FHIP1A: variants seen among roughly 807,000 people sequenced by gnomAD.
FHIP1A encodes the protein FHF complex subunit HOOK interacting protein 1A.
FHIP1A carries 61 observed loss-of-function variants against 88.6 expected under a neutral mutation model. The observed-to-expected ratio is 0.69, with a 90% CI of 0.56 to 0.85. The LOEUF (loss-of-function observed/expected upper bound fraction) is 0.85, where lower values mean the gene tolerates loss of function less well. FHIP1A is among the 40% of genes least tolerant of loss of function. The pLI is 0.00. For missense variants in FHIP1A, 1,154 were observed against 1,273.5 expected (o/e 0.91, Z 1.43); for synonymous variants, 478 against 496.0 (o/e 0.96, Z 0.48).
intron 3 of FHIP1A, among the ~76,000 whole-genome samples, chr4:151,544,573 G>T (rs1050567912): frequency 1.3e-5 from 2 of 152,122 alleles, no homozygotes; most frequent in Non-Finnish European, 2.9e-5. Flanking sequence ...CTGAAATATG[G>T]CCTGTCCCTC....
chr4:151,593,237 G>C (rs1178322334), intron 7 of FHIP1A, among the ~76,000 whole-genome samples: 5 of 152,130 alleles, frequency 3.3e-5, no homozygotes, highest in African/African-American at 4.8e-5. Context: ...GATTGTCTTG[G>C]CTAAACAAGC....
chr4:151,597,754 T>C (rs1443326651), intron 7 of FHIP1A, among the ~76,000 whole-genome samples: 1 of 152,186 alleles, frequency 6.6e-6, no homozygotes, highest in Non-Finnish European at 1.5e-5. Context: ...AGAGAGACAG[T>C]CTGGCTACAG....
rs545503967 is a variant in FHIP1A at position 151,649,597 on chromosome 4, G to A, written c.1556G>A (p.Arg519His). 113 of 1,551,716 alleles carry A rather than the reference G, an allele frequency of 7.3e-5. 5 individuals carry two copies. In the East Asian group the frequency reaches 1.0e-3, roughly 14 times the overall value. Residue 519 changes from arginine to histidine, a missense_variant, in exon 11 of 14, where the codon CGT (arginine) becomes CAT (histidine). Physicochemically the swap from Arg to His is conservative, Grantham distance 29. Coordinates refer to ENST00000435205, the MANE Select transcript of FHIP1A (RefSeq NM_001109977.3). Reference sequence around the variant, plus strand: ...ATCCTCCGCTGCATGAGGGACTGCCGTGTCTGGTCCGCCCTGTATGATGGC... The same window carrying A: ...ATCCTCCGCTGCATGAGGGACTGCCATGTCTGGTCCGCCCTGTATGATGGC... ...TNILRCMRDC[R>H]VWSALYDGDS...
intron 7 of FHIP1A, among the ~76,000 whole-genome samples, chr4:151,617,760 C>G (rs1433493249): frequency 6.6e-6 from 1 of 152,090 alleles, no homozygotes; most frequent in Non-Finnish European, 1.5e-5. Context: ...GTGGCGTGTG[C>G]CTGTAATCCC....
chr4:151,590,574 G>T (rs964371090), intron 7 of FHIP1A, among the ~76,000 whole-genome samples: 1 of 152,132 alleles, frequency 6.6e-6, no homozygotes, highest in Admixed American at 6.5e-5. Flanking sequence ...TTCAGTTATG[G>T]CATATTATCA....
At chr4:151,503,026 A>T (rs996760698) in intron 3 of FHIP1A, among the ~76,000 whole-genome samples, 2 of 152,218 alleles carry the variant, frequency 1.3e-5, no homozygotes, top group African/African-American at 4.8e-5. Flanking sequence ...TTTGTCTTTG[A>T]GGAAACAAAT....
chr4:151,524,084 G>A (rs1731544293), intron 3 of FHIP1A, among the ~76,000 whole-genome samples: 1 of 152,120 alleles, frequency 6.6e-6, no homozygotes, highest in South Asian at 2.1e-4. Flanking sequence ...GACCGAGGCG[G>A]GCAGATCATG....
chr4:151,481,610 A>T (rs893696009), intron 2 of FHIP1A, among the ~76,000 whole-genome samples: 4 of 152,112 alleles, frequency 2.6e-5, no homozygotes, highest in Non-Finnish European at 5.9e-5. Context: ...AAGAAAGTAA[A>T]GGAATAAAAG....
At chr4:151,540,804 A>G (rs992630512) in intron 3 of FHIP1A, among the ~76,000 whole-genome samples, 12 of 152,196 alleles carry the variant, frequency 7.9e-5, no homozygotes, top group Admixed American at 1.3e-4. Flanking sequence ...TGCTTAGGTT[A>G]TTCCCAGACT....
intron 2 of FHIP1A, among the ~76,000 whole-genome samples, chr4:151,465,535 C>A (rs1729279871): frequency 6.6e-6 from 1 of 152,216 alleles, no homozygotes; most frequent in Admixed American, 6.5e-5. Context: ...AGGCCAGCGT[C>A]ATCCTGATAC....
chr4:151,515,009 A>T (rs1344379624), intron 3 of FHIP1A, among the ~76,000 whole-genome samples: 1 of 152,066 alleles, frequency 6.6e-6, no homozygotes, highest in Admixed American at 6.5e-5. Context: ...CAAAAAAGAG[A>T]ATTTTAGACC....
chr4:151,481,550 A>G (rs1399188767), intron 2 of FHIP1A, among the ~76,000 whole-genome samples: 1 of 151,992 alleles, frequency 6.6e-6, no homozygotes, highest in Non-Finnish European at 1.5e-5. Context: ...GCACCTACGC[A>G]AGAAAAAATT....
rs1560834337 is a variant in FHIP1A, at chr4:151,668,032, A to G, written c.*5278A>G. Among the ~76,000 whole-genome samples the G allele has an allele frequency of 1.3e-5, 2 of 152,152 alleles. No individual in the cohort carries two copies. Among genetic ancestry groups the G allele is most frequent in the African/African-American group, 4.8e-5 (2 of 41,450 alleles). ...AACAAGGCCCCTTTTTGCCCTGTGG[A>G]TATTTTAAAAGAGGGAATTTGGTGT... On this transcript the variant is annotated 3_prime_UTR_variant, in exon 14 of 14. Transcript: ENST00000435205.
rs998662875 is a variant in FHIP1A at position 151,657,013 on chromosome 4, A to T, written c.2869+115A>T. The T allele has an allele frequency of 2.3e-5, 25 of 1,105,546 alleles. No individual in the cohort carries two copies. In the Middle Eastern group the frequency reaches 1.5e-3, roughly 67 times the overall value. 68.5% of individuals were successfully genotyped at this position (1,105,546 alleles called of 1,614,324 possible). A position where few individuals can be genotyped will look rare whatever the true frequency, so the allele number is the denominator to read the frequency against. ...TTCTGGATCCTAGAAGCATTCAGAG[A>T]TATTTTCATTTTTATGCAACAGGGA... On this transcript the variant is annotated intron_variant, in intron 13 of 13. Coordinates refer to ENST00000435205, the MANE Select transcript of FHIP1A (RefSeq NM_001109977.3).
chr4:151,541,578 A>G (rs938036117), intron 3 of FHIP1A, among the ~76,000 whole-genome samples: 1 of 152,198 alleles, frequency 6.6e-6, no homozygotes, highest in African/African-American at 2.4e-5. Context: ...CTTTTATGCA[A>G]CACTGCTTTG....
At chr4:151,520,130 G>A (rs1429282086) in intron 3 of FHIP1A, among the ~76,000 whole-genome samples, 1 of 151,978 alleles carries the variant, frequency 6.6e-6, no homozygotes, top group Non-Finnish European at 1.5e-5. Flanking sequence ...GCTTTCTGTG[G>A]CCTGTTGCCA....
intron 11 of FHIP1A, among the ~76,000 whole-genome samples, chr4:151,651,719 A>T (rs903791156): frequency 6.6e-6 from 1 of 152,214 alleles, no homozygotes; most frequent in Non-Finnish European, 1.5e-5. Flanking sequence ...TGGTCCAGCC[A>T]GCCAAGTAGG....
intron 2 of FHIP1A, among the ~76,000 whole-genome samples, chr4:151,472,047 T>C (rs781062738): frequency 6.6e-6 from 1 of 152,176 alleles, no homozygotes; most frequent in Non-Finnish European, 1.5e-5. Flanking sequence ...TCCACATTTT[T>C]GCAACTGCGA....
intron 1 of FHIP1A, among the ~76,000 whole-genome samples, chr4:151,441,935 A>T (rs1473022957): frequency 6.6e-6 from 1 of 152,194 alleles, no homozygotes; most frequent in Non-Finnish European, 1.5e-5. Context: ...CCAAATCTTG[A>T]ACGATTTGTT....
Sources: gnomAD v4.1 joint callset for allele counts (sites outside exome capture counted in the v4.1 genomes callset) on GRCh38, gnomAD v4.1.1 for gene constraint, MANE v1.5 for transcripts, NCBI Gene and HGNC (gene_info 2026-07-23, HGNC 2026-07-21) for gene names.